The following STK33 variants were observed in gnomAD, a reference collection of about 807,000 sequenced individuals.
The protein encoded by STK33 is serine/threonine-protein kinase 33.
In STK33, 52 loss-of-function variants were observed where a neutral mutation model predicts 58.0. The observed-to-expected ratio is 0.90, with a 90% CI of 0.72 to 1.13. The LOEUF (loss-of-function observed/expected upper bound fraction) is 1.13, where lower values mean the gene tolerates loss of function less well. STK33 is among the 50% of genes most tolerant of loss of function. The pLI, the probability that STK33 is intolerant of heterozygous loss-of-function variation, is 0.00. For missense variants in STK33, 630 were observed against 604.2 expected (o/e 1.04, Z -0.45); for synonymous variants, 215 against 200.1 (o/e 1.07, Z -0.63).
intron 1 of STK33, among the ~76,000 whole-genome samples, chr11:8,481,000 G>C (rs960010724): frequency 1.3e-5 from 2 of 152,158 alleles, no homozygotes; most frequent in African/African-American, 4.8e-5. Flanking sequence ...CATAGTCAGA[G>C]TGCCTGTCCT....
chr11:8,506,811 C>T (rs1951896696), intron 1 of STK33, among the ~76,000 whole-genome samples: 1 of 152,196 alleles, frequency 6.6e-6, no homozygotes, highest in Non-Finnish European at 1.5e-5. Flanking sequence ...TACCCACATA[C>T]ACACTTTTAC....
rs184022828 is a variant in STK33, at chr11:8,500,515, A to C, written c.-465-19901T>G. On this transcript the variant is annotated intron_variant, in intron 1 of 15. Transcript: ENST00000687296. ...AATAAATTAACAGAATAAGTGCAAGACTTGTACACATGAAACTATAAAACT... is the reference window on the plus strand; with the variant it reads ...AATAAATTAACAGAATAAGTGCAAGCCTTGTACACATGAAACTATAAAACT... Among the ~76,000 whole-genome samples the C allele has an allele frequency of 1.6e-4, 25 of 152,292 alleles. No individual in the cohort carries two copies. In the East Asian group the frequency reaches 4.6e-3, roughly 28 times the overall value.
rs1177415889 is a variant in STK33 at position 8,394,758 on chromosome 11, G to C, written c.1345-2048C>G. On this transcript the variant is annotated intron_variant, in intron 15 of 15. Transcript: ENST00000687296. ...ATTATTAAAGTCTTCTGGCAAAGTG[G>C]AAGGAAAAAGAAAACTAAACAATGT... Among the ~76,000 whole-genome samples the C allele has an allele frequency of 5.9e-5, 9 of 152,242 alleles. No homozygotes were observed. The East Asian group carries it at 7.7e-4, about 13-fold the overall frequency.
intron 1 of STK33, among the ~76,000 whole-genome samples, chr11:8,529,644 A>G (rs1173618691): frequency 1.3e-5 from 2 of 152,180 alleles, no homozygotes; most frequent in South Asian, 2.1e-4. Context: ...AGGGAAAAAA[A>G]GGGCAAAGGT....
intron 11 of STK33, among the ~76,000 whole-genome samples, chr11:8,452,020 C>T (rs571532151): frequency 1.3e-5 from 2 of 151,954 alleles, no homozygotes; most frequent in African/African-American, 2.4e-5. Context: ...CCGGCCAACA[C>T]GGCAAAAACC....
In STK33 at chr11:8,454,866, T is replaced by G. The variant is rs114260867; in HGVS notation, c.698-34A>C. 4,134 of 1,495,284 alleles carry G rather than the reference T, an allele frequency of 2.8e-3. 90 individuals carry two copies. The African/African-American group carries it at 0.05, about 18-fold the overall frequency. The allele number at this position is 1,495,284 out of a possible 1,614,324, so 92.6% of individuals were successfully genotyped here. A position where few individuals can be genotyped will look rare whatever the true frequency, so the allele number is the denominator to read the frequency against. The stretch of plus-strand genomic sequence containing the variant: ...AAAATAAACAACAAATCAAATGAAA[T>G]GAATAATGGAAAAATAGGAGAGACA... On this transcript the variant is annotated intron_variant, in intron 9 of 15. Transcript: ENST00000687296.
chr11:8,581,940 T>C (rs527698947), intron 1 of STK33, among the ~76,000 whole-genome samples: 2 of 152,356 alleles, frequency 1.3e-5, no homozygotes, highest in East Asian at 1.9e-4. Flanking sequence ...GTAATGCCAT[T>C]TGAAACCACT....
chr11:8,384,833 C>A, the STK33 span, among the ~76,000 whole-genome samples: 1 of 152,172 alleles, frequency 6.6e-6, no homozygotes, highest in Non-Finnish European at 1.5e-5. Flanking sequence ...CCATTTGGGG[C>A]CACTACCGGA....
chr11:8,553,748 C>T (rs1041647740), intron 1 of STK33, among the ~76,000 whole-genome samples: 4 of 152,014 alleles, frequency 2.6e-5, no homozygotes, highest in Admixed American at 2.6e-4. Context: ...AATGAACATC[C>T]ACATGCAGAA....
At chr11:8,383,136 T>C in the STK33 span, among the ~76,000 whole-genome samples, 94,277 of 151,974 alleles carry the variant, frequency 0.62, 30,420 homozygotes, top group African/African-American at 0.79. Flanking sequence ...CACTTGGAGG[T>C]CTGACTTCAA....
At chr11:8,365,375 ACTCAG>A in the STK33 span, among the ~76,000 whole-genome samples, 2 of 152,156 alleles carry the variant, frequency 1.3e-5, no homozygotes, top group African/African-American at 4.8e-5. Context: ...TTTCAGCAAC[ACTCAG>A]CTCAGCCCCG....
intron 10 of STK33, among the ~76,000 whole-genome samples, chr11:8,453,371 G>A (rs531362901): frequency 5.5e-4 from 83 of 152,242 alleles, no homozygotes; most frequent in Non-Finnish European, 8.8e-4. Context: ...AGCACTCACT[G>A]AAACTCTCCT....
At chr11:8,470,219 T>A (rs1359902946) in intron 6 of STK33, among the ~76,000 whole-genome samples, 2 of 152,266 alleles carry the variant, frequency 1.3e-5, no homozygotes, top group Non-Finnish European at 2.9e-5. Flanking sequence ...ATCTTCTGGA[T>A]AACTTGCTGC....
chr11:8,366,924 A>C, the STK33 span, among the ~76,000 whole-genome samples: 8 of 152,276 alleles, frequency 5.3e-5, no homozygotes, highest in East Asian at 1.5e-3. Context: ...GTGGCTTGTG[A>C]GAGTCTGAGG....
chr11:8,523,528 C>A (rs1395055522), intron 1 of STK33, among the ~76,000 whole-genome samples: 10 of 151,440 alleles, frequency 6.6e-5, no homozygotes, highest in Admixed American at 5.9e-4. Context: ...GCAGCCGCCC[C>A]GTCTGGGAAG....
intron 1 of STK33, among the ~76,000 whole-genome samples, chr11:8,574,977 T>G (rs934563041): frequency 1.1e-4 from 17 of 151,928 alleles, no homozygotes; most frequent in Non-Finnish European, 2.4e-4. Context: ...CCCAGGAGTT[T>G]GAAGCTACAC....
intron 1 of STK33, among the ~76,000 whole-genome samples, chr11:8,487,386 G>T (rs906479959): frequency 7.0e-6 from 1 of 143,128 alleles, no homozygotes; most frequent in Admixed American, 7.2e-5. Context: ...CATGCCACTG[G>T]ACTCCAGCCT....
chr11:8,346,851 G>A, the STK33 span, among the ~76,000 whole-genome samples: 1 of 152,202 alleles, frequency 6.6e-6, no homozygotes, highest in Non-Finnish European at 1.5e-5. Flanking sequence ...GTACAGGAAG[G>A]CCCGAGCTCT....
chr11:8,438,263 CAGAAAAGGGAA>C (rs1944320958), intron 12 of STK33, among the ~76,000 whole-genome samples: 1 of 152,150 alleles, frequency 6.6e-6, no homozygotes, highest in Non-Finnish European at 1.5e-5. Flanking sequence ...CCTGCACATC[CAGAAAAGGGAA>C]TCCAAGACAC....
Sources: gnomAD v4.1 joint callset for allele counts (sites outside exome capture counted in the v4.1 genomes callset) on GRCh38, gnomAD v4.1.1 for gene constraint, MANE v1.5 for transcripts, NCBI Gene and HGNC (gene_info 2026-07-23, HGNC 2026-07-21) for gene names.